The following LIPM variants were observed in gnomAD, a reference collection of about 807,000 sequenced individuals.
The protein encoded by LIPM is lipase member M.
Under a neutral mutation model 42.4 loss-of-function variants are expected in LIPM, and 42 were observed. The observed-to-expected ratio is 0.99, with a 90% CI of 0.77 to 1.28. The LOEUF (loss-of-function observed/expected upper bound fraction) is 1.28, where lower values mean the gene tolerates loss of function less well. Ranked by LOEUF, LIPM falls within the 50% of genes most tolerant of loss-of-function variation. The probability of loss-of-function intolerance (pLI) is 0.00; values close to 1 mark genes in which losing one functional copy is unlikely to be tolerated. For synonymous variants in LIPM, 177 were observed against 173.3 expected, an observed-to-expected ratio of 1.02 and a Z score of -0.17; for missense variants, 524 against 520.1, an observed-to-expected ratio of 1.01 and a Z score of -0.07.
In LIPM at chr10:88,820,424, A is replaced by G; in HGVS notation, c.1195A>G (p.Met399Val). 6.4e-7 allele frequency: 1 copy of G among 1,552,102 alleles called. No individual in the cohort carries two copies. Among genetic ancestry groups the G allele is most frequent in the Non-Finnish European group, 8.7e-7 (1 of 1,147,036 alleles). ...CTGGGGTTTGGATGCTCCTCACCGT[A>G]TGTACAATGAAATCATCCATCTGAT... is the stretch of plus-strand genomic sequence containing the variant. The part of the protein sequence containing the change: ...FIWGLDAPHR[M>V]YNEIIHLMQQ... The change falls in exon 9 of 9, where the codon ATG (methionine) becomes GTG (valine). Residue 399 changes from methionine (M) to valine (V), a missense_variant. Coordinates refer to ENST00000404743, the MANE Select transcript of LIPM (RefSeq NM_001128215.1).
intron 8 of LIPM, among the ~76,000 whole-genome samples, chr10:88,819,375 C>CA (rs1419978773): frequency 2.0e-5 from 3 of 151,832 alleles, no homozygotes; most frequent in African/African-American, 7.3e-5. Flanking sequence ...TGTAAGATGA[C>CA]AAAAAAAATT....
At position 88,820,506 on chromosome 10, in the gene LIPM, T is replaced by C; in HGVS notation, c.*5T>C. Reference sequence around the variant, plus strand: ...CGGTGTGAGGCCGTATTGTGAAGCATCTGACACTGACGATCTTAGGACAAC... The same window carrying C: ...CGGTGTGAGGCCGTATTGTGAAGCACCTGACACTGACGATCTTAGGACAAC... On this transcript the variant is annotated 3_prime_UTR_variant, in exon 9 of 9. Coordinates refer to ENST00000404743, the MANE Select transcript of LIPM (RefSeq NM_001128215.1). The C allele has an allele frequency of 5.8e-6, 9 of 1,548,582 alleles. No individual in the cohort carries two copies. The highest frequency in any genetic ancestry group is 7.9e-6 in the Non-Finnish European group (9 of 1,146,122).
chr10:88,820,245 G>A lies in LIPM; in HGVS notation c.1016G>A (p.Arg339Lys), dbSNP rs1294763450. ...LEKCNQPTPVRYRVRDMTVPT... is the reference protein window; with the variant it reads ...LEKCNQPTPVKYRVRDMTVPT... ...CCTTTTCTCTAGCCAACTCCTGTAAGGTACAGAGTCAGAGATATGACGGTC... is the reference window on the plus strand; with the variant it reads ...CCTTTTCTCTAGCCAACTCCTGTAAAGTACAGAGTCAGAGATATGACGGTC... Residue 339 changes from arginine (R) to lysine (K), a missense_variant, in exon 9 of 9, where the codon AGG becomes AAG. By Grantham distance (26) the Arg-to-Lys change is conservative (BLOSUM62 2). Coordinates refer to ENST00000404743, the MANE Select transcript of LIPM (RefSeq NM_001128215.1). 7.7e-6 allele frequency: 12 copies of A among 1,551,126 alleles called. No homozygotes were observed. Among genetic ancestry groups the A allele is most frequent in the Non-Finnish European group, 9.6e-6 (11 of 1,146,902 alleles).
At chr10:88,812,756 C>T (rs1472666631) in intron 2 of LIPM, among the ~76,000 whole-genome samples, 4 of 152,214 alleles carry the variant, frequency 2.6e-5, no homozygotes, top group Non-Finnish European at 5.9e-5. Context: ...ATACCATCTA[C>T]TGGGGCACTT....
intron 1 of LIPM, among the ~76,000 whole-genome samples, chr10:88,805,545 C>T (rs1402423740): frequency 6.6e-6 from 1 of 152,170 alleles, no homozygotes. Flanking sequence ...GTACTCTGCA[C>T]CAAGAACTGC....
rs908288272 is a variant in LIPM, at chr10:88,820,419, A to C, written c.1190A>C (p.His397Pro). 6.4e-7 allele frequency: 1 copy of C among 1,552,116 alleles called. No individual in the cohort carries two copies. The change falls in exon 9 of 9, where the codon CAC becomes CCC. Residue 397 changes from histidine (H) to proline (P), a missense_variant. Physicochemically the swap from His to Pro is moderately conservative, Grantham distance 77. Coordinates refer to ENST00000404743, the MANE Select transcript of LIPM (RefSeq NM_001128215.1). ...TTCATCTGGGGTTTGGATGCTCCTC[A>C]CCGTATGTACAATGAAATCATCCAT... ...VDFIWGLDAP[H>P]RMYNEIIHLM...
At chr10:88,805,238 C>T (rs1020705079) in intron 1 of LIPM, among the ~76,000 whole-genome samples, 1 of 152,094 alleles carries the variant, frequency 6.6e-6, no homozygotes, top group Admixed American at 6.6e-5. Flanking sequence ...ATTATAAAAG[C>T]AATGAAATAA....
At chr10:88,813,068 CAT>C in intron 2 of LIPM, 27 bp from the exon 3 acceptor site, 1 of 1,533,456 alleles carries the variant, frequency 6.5e-7, no homozygotes, top group Non-Finnish European at 8.9e-7. Context: ...GAGAACATTT[CAT>C]ACAGTTGAAA....
chr10:88,812,951 A>T, intron 2 of LIPM, 146 bp from the exon 3 acceptor site: 1 of 649,958 alleles, frequency 1.5e-6, no homozygotes, highest in East Asian at 2.9e-5. Context: ...ACCAAAGGTC[A>T]AGTAATTGGC....
chr10:88,809,494 C>T (rs893254542), intron 2 of LIPM, among the ~76,000 whole-genome samples: 2 of 152,074 alleles, frequency 1.3e-5, no homozygotes. Context: ...TTTTGATATG[C>T]CAGATACACT....
intron 7 of LIPM, 65 bp downstream of exon 7, chr10:88,816,952 G>C: frequency 8.3e-7 from 1 of 1,199,296 alleles, no homozygotes; most frequent in South Asian, 1.3e-5. Context: ...AATAGTCAAA[G>C]GACACCATTT....
Position 88,814,611 on chromosome 10 carries a change from T to C in LIPM, c.546T>C (p.Tyr182=). The C allele has an allele frequency of 2.6e-6, 4 of 1,552,018 alleles. No homozygotes were observed. The highest frequency in any genetic ancestry group is 3.5e-6 in the Non-Finnish European group (4 of 1,146,974). The change falls in exon 4 of 9, where the codon TAT becomes TAC. Residue 182 remains tyrosine (Y), a synonymous_variant. Transcript: ENST00000404743. ...LQKTGQEKIY[Y]VGYSQGTTMG... Reference sequence around the variant, plus strand: ...AAACGGGCCAGGAAAAGATCTATTATGTCGGCTATTCACAGGGCACCACCA... The same window carrying C: ...AAACGGGCCAGGAAAAGATCTATTACGTCGGCTATTCACAGGGCACCACCA...
intron 6 of LIPM, among the ~76,000 whole-genome samples, chr10:88,816,153 T>C (rs1452962514): frequency 6.6e-6 from 1 of 152,164 alleles, no homozygotes; most frequent in East Asian, 1.9e-4. Flanking sequence ...TGGGTCTTTA[T>C]ACACCATATC....
chr10:88,812,583 A>G (rs866763966), intron 2 of LIPM, among the ~76,000 whole-genome samples: 8 of 152,098 alleles, frequency 5.3e-5, no homozygotes, highest in Admixed American at 2.6e-4. Flanking sequence ...AATTTATTCA[A>G]TGGGATATAA....
At chr10:88,819,037 G>T (rs1006565510) in intron 8 of LIPM, among the ~76,000 whole-genome samples, 1 of 150,794 alleles carries the variant, frequency 6.6e-6, no homozygotes, top group Non-Finnish European at 1.5e-5. Flanking sequence ...ACAGGTGCAC[G>T]CCACCATGCT....
chr10:88,811,171 C>G (rs1240167708), intron 2 of LIPM, among the ~76,000 whole-genome samples: 4 of 152,026 alleles, frequency 2.6e-5, no homozygotes, highest in Non-Finnish European at 2.9e-5. Flanking sequence ...CCGTTTATAG[C>G]AATAACAACA....
At position 88,820,313 on chromosome 10, in the gene LIPM, C is replaced by G; in HGVS notation, c.1084C>G (p.Pro362Ala). Reference protein sequence around the residue: ...WTGGQDWLSNPEDVKMLLSEV... With the variant: ...WTGGQDWLSNAEDVKMLLSEV... Reference sequence around the variant, plus strand: ...AGGAGGTCAGGACTGGCTTTCAAATCCAGAAGACGTGAAAATGCTGCTCTC... The same window carrying G: ...AGGAGGTCAGGACTGGCTTTCAAATGCAGAAGACGTGAAAATGCTGCTCTC... Residue 362 changes from proline to alanine, a missense_variant, in exon 9 of 9, where the codon CCA (proline) becomes GCA (alanine). Coordinates refer to ENST00000404743, the MANE Select transcript of LIPM (RefSeq NM_001128215.1). The G allele has an allele frequency of 6.4e-7, 1 of 1,552,152 alleles. No individual in the cohort carries two copies. Among genetic ancestry groups the G allele is most frequent in the Non-Finnish European group, 8.7e-7 (1 of 1,147,078 alleles).
chr10:88,814,701 A>G, intron 4 of LIPM, 62 bp downstream of exon 4: 3 of 1,239,452 alleles, frequency 2.4e-6, no homozygotes, highest in South Asian at 1.3e-5. Context: ...GACACTAGCT[A>G]TCCCTGAAAT....
chr10:88,815,368 C>CA lies in LIPM; in HGVS notation c.729dup (p.Glu244ArgfsTer23). Reference sequence around the variant, plus strand: ...TCATATTTTCACAGGGATTGTTTGGCAAAAAAGAATTTCTGTATCAGACCA... The same window carrying CA: ...TCATATTTTCACAGGGATTGTTTGGCAAAAAAAGAATTTCTGTATCAGACCA... On this transcript the variant is annotated frameshift_variant, in exon 6 of 9. Coordinates refer to ENST00000404743, the MANE Select transcript of LIPM (RefSeq NM_001128215.1). LOFTEE classifies it high-confidence loss of function. The CA allele has an allele frequency of 6.4e-7, 1 of 1,551,330 alleles. No homozygotes were observed. Among genetic ancestry groups the CA allele is most frequent in the Admixed American group, 2.0e-5 (1 of 50,968 alleles).
Sources: gnomAD v4.1 joint callset for allele counts (sites outside exome capture counted in the v4.1 genomes callset) on GRCh38, gnomAD v4.1.1 for gene constraint, MANE v1.5 for transcripts, NCBI Gene and HGNC (gene_info 2026-07-23, HGNC 2026-07-21) for gene names.